The following DHTKD1 variants were observed in gnomAD, a reference collection of about 807,000 sequenced individuals.
DHTKD1 encodes the protein dehydrogenase E1 and transketolase domain containing 1, also known as 2-oxoadipate dehydrogenase complex component E1.
Under a neutral mutation model 101.8 loss-of-function variants are expected in DHTKD1, and 78 were observed. The observed-to-expected ratio is 0.77, with a 90% confidence interval of 0.64 to 0.93. DHTKD1 has a LOEUF of 0.93. Ranked by LOEUF, DHTKD1 falls within the 40% of genes least tolerant of loss-of-function variation. DHTKD1 has a pLI of 0.00. For synonymous variants in DHTKD1, 462 were observed against 450.3 expected (o/e 1.03, Z -0.33); for missense variants, 1,223 against 1,161.7 (o/e 1.05, Z -0.77).
At chr10:12,119,178 C>T (rs547814061) in intron 15 of DHTKD1, among the ~76,000 whole-genome samples, 6 of 149,978 alleles carry the variant, frequency 4.0e-5, no homozygotes, top group Non-Finnish European at 5.9e-5. Context: ...TGGTGGCGGG[C>T]GCCTGTAGTC....
chr10:12,088,310 G>A (rs1242832989), intron 4 of DHTKD1, among the ~76,000 whole-genome samples: 1 of 151,786 alleles, frequency 6.6e-6, no homozygotes, highest in South Asian at 2.1e-4. Context: ...AAATTAGGTG[G>A]CATGGTCTCT....
chr10:12,095,504 C>T (rs985861774), intron 7 of DHTKD1, among the ~76,000 whole-genome samples: 97 of 151,410 alleles, frequency 6.4e-4, no homozygotes, highest in African/African-American at 2.3e-3. Context: ...ATGGTGAAAC[C>T]CCATCTCTAC....
intron 6 of DHTKD1, among the ~76,000 whole-genome samples, chr10:12,092,987 CCCT>C (rs1205622632): frequency 6.6e-6 from 1 of 151,834 alleles, no homozygotes; most frequent in East Asian, 1.9e-4. Context: ...AAGAGATCCT[CCCT>C]CCTCAGCCTC....
In DHTKD1 at chr10:12,087,661, G is replaced by T. The variant is rs146092898; in HGVS notation, c.649G>T (p.Val217Phe). The change falls in exon 4 of 17, where the codon GTC becomes TTC. Residue 217 changes from valine (V) to phenylalanine (F), a missense_variant. Val to Phe is a conservative substitution (Grantham distance 50, BLOSUM62 -1). Transcript: ENST00000263035. This position sits in a 1 kb window ranked among gnomAD's most constrained non-coding sequence, Gnocchi z 5.2. ...KMSAYSGITD[V>F]IIGMPHRGRL... The stretch of plus-strand genomic sequence containing the variant: ...GTCGGCCTACAGCGGGATCACTGAT[G>T]TCATTATTGGGATGCCCCATAGAGG... The T allele has an allele frequency of 5.0e-6, 8 of 1,613,784 alleles. No individual in the cohort carries two copies. Among genetic ancestry groups the T allele is most frequent in the Non-Finnish European group, 6.8e-6 (8 of 1,179,946 alleles).
Position 12,094,172 on chromosome 10 carries a change from G to A in DHTKD1, c.1259G>A (p.Arg420His), listed in dbSNP as rs200039178. ...GCTTTTGAATACCAACGCCAGTTCCGCAAGGATGTGATTATTGATCTGTTG... is the reference window on the plus strand; with the variant it reads ...GCTTTTGAATACCAACGCCAGTTCCACAAGGATGTGATTATTGATCTGTTG... The part of the protein sequence containing the change: ...RLAFEYQRQF[R>H]KDVIIDLLCY... Residue 420 changes from arginine (R) to histidine (H), a missense_variant, in exon 7 of 17, where the codon CGC becomes CAC. Arg to His is a conservative substitution (Grantham distance 29). Transcript: ENST00000263035. The A allele has an allele frequency of 1.6e-5, 26 of 1,614,026 alleles. No individual in the cohort carries two copies. The highest frequency in any genetic ancestry group is 8.0e-5 in the African/African-American group (6 of 74,908).
chr10:12,070,004 A>T (rs1832630603), intron 1 of DHTKD1, among the ~76,000 whole-genome samples: 1 of 152,038 alleles, frequency 6.6e-6, no homozygotes, highest in East Asian at 1.9e-4. Context: ...CCAGTCTTGG[A>T]AGACAGCATG....
At position 12,097,832 on chromosome 10, in the gene DHTKD1, C is replaced by G; in HGVS notation, c.1507C>G (p.Leu503Val). ...NNMAHYRPPA[L>V]NLQAHWQGLA... ...CATGGCCCACTACAGGCCCCCTGCC[C>G]TGAACCTGCAGGCCCACTGGCAGGG... The change falls in exon 8 of 17, where the codon CTG becomes GTG. Residue 503 changes from leucine (L) to valine (V), a missense_variant. Coordinates refer to ENST00000263035, the MANE Select transcript of DHTKD1 (RefSeq NM_018706.7). 6.2e-7 allele frequency: 1 copy of G among 1,614,244 alleles called. No homozygotes were observed. Among genetic ancestry groups the G allele is most frequent in the Non-Finnish European group, 8.5e-7 (1 of 1,180,042 alleles).
intron 3 of DHTKD1, among the ~76,000 whole-genome samples, chr10:12,086,531 G>A (rs1414710052): frequency 6.6e-6 from 1 of 151,594 alleles, no homozygotes; most frequent in Non-Finnish European, 1.5e-5. Flanking sequence ...AAATGTGTTA[G>A]CCAGGATGGT....
chr10:12,076,804 G>T (rs950481580), intron 1 of DHTKD1, among the ~76,000 whole-genome samples: 5 of 151,712 alleles, frequency 3.3e-5, no homozygotes, highest in Non-Finnish European at 7.4e-5. Context: ...GACTACAGGT[G>T]CCCGCCACCA....
chr10:12,104,344 A>T (rs1018875693), intron 10 of DHTKD1, among the ~76,000 whole-genome samples: 4 of 152,038 alleles, frequency 2.6e-5, no homozygotes, highest in African/African-American at 9.7e-5. Context: ...AGGCCCTGCT[A>T]ATTTTTGAAT....
At chr10:12,118,939 G>A (rs1171619596) in intron 15 of DHTKD1, 21 bp downstream of exon 15, 2 of 1,483,192 alleles carry the variant, frequency 1.3e-6, no homozygotes, top group Non-Finnish European at 1.8e-6. Flanking sequence ...GTTCTCATTT[G>A]GGTTTTGATG....
chr10:12,071,617 A>G (rs377584883), intron 1 of DHTKD1, among the ~76,000 whole-genome samples: 2 of 152,010 alleles, frequency 1.3e-5, no homozygotes, highest in Non-Finnish European at 2.9e-5. Flanking sequence ...CAAAAATACA[A>G]AAATTAGCTG....
intron 14 of DHTKD1, among the ~76,000 whole-genome samples, 161 bp from the exon 15 acceptor site, chr10:12,118,588 T>C (rs1305877437): frequency 2.6e-5 from 4 of 151,924 alleles, no homozygotes; most frequent in African/African-American, 4.8e-5. Flanking sequence ...TTCACCGTGT[T>C]AGCCAGGATG....
chr10:12,083,852 C>T (rs560628559), intron 2 of DHTKD1, among the ~76,000 whole-genome samples: 23 of 152,176 alleles, frequency 1.5e-4, no homozygotes, highest in African/African-American at 4.3e-4. Flanking sequence ...TGCTTCATGA[C>T]CTTTGACCAT....
At chr10:12,071,649 C>T (rs1328623447) in intron 1 of DHTKD1, among the ~76,000 whole-genome samples, 2 of 151,826 alleles carry the variant, frequency 1.3e-5, no homozygotes, top group Non-Finnish European at 2.9e-5. Context: ...GACGTGGGGC[C>T]AGGCACAGTG....
intron 6 of DHTKD1, among the ~76,000 whole-genome samples, chr10:12,092,228 C>T (rs942793979): frequency 2.6e-5 from 4 of 152,034 alleles, no homozygotes; most frequent in African/African-American, 9.7e-5. Context: ...GGTGATCTGC[C>T]TGCTTAGGCC....
In DHTKD1 at chr10:12,110,207, G is replaced by A. The variant is rs1833308114; in HGVS notation, c.2154+2192G>A. ...CAGCTACTTGGGAGGCTGAGGCAGGGGAATGGTGTGAACCTGGGAGGCGGA... is the reference window on the plus strand; with the variant it reads ...CAGCTACTTGGGAGGCTGAGGCAGGAGAATGGTGTGAACCTGGGAGGCGGA... On this transcript the variant is annotated intron_variant, in intron 12 of 16. Coordinates refer to ENST00000263035, the MANE Select transcript of DHTKD1 (RefSeq NM_018706.7). This position sits in a 1 kb window ranked among gnomAD's most constrained non-coding sequence, Gnocchi z 4.9. Among the ~76,000 whole-genome samples the A allele has an allele frequency of 6.6e-6, 1 of 152,142 alleles. No homozygotes were observed. The highest frequency in any genetic ancestry group is 2.1e-4 in the South Asian group (1 of 4,836).
chr10:12,076,579 T>C (rs1832734961), intron 1 of DHTKD1, among the ~76,000 whole-genome samples: 1 of 152,152 alleles, frequency 6.6e-6, no homozygotes, highest in Non-Finnish European at 1.5e-5. Flanking sequence ...GCACCTGTAA[T>C]CCCAGCTACT....
intron 13 of DHTKD1, among the ~76,000 whole-genome samples, chr10:12,114,527 C>T (rs919079372): frequency 9.2e-5 from 14 of 152,126 alleles, no homozygotes; most frequent in Admixed American, 6.6e-5. Flanking sequence ...AACTCCTGGC[C>T]TCATGTGATC....
Sources: allele counts gnomAD v4.1 joint callset (sites outside exome capture counted in the v4.1 genomes callset), GRCh38; gene constraint gnomAD v4.1.1; non-coding constraint Gnocchi (gnomAD v3.1); transcripts MANE v1.5; gene names NCBI Gene and HGNC (gene_info 2026-07-23, HGNC 2026-07-21).